ZCWPW2: variants seen among roughly 807,000 people sequenced by gnomAD.
ZCWPW2 encodes the protein zinc finger CW-type and PWWP domain containing 2.
Under a neutral mutation model 46.6 loss-of-function variants are expected in ZCWPW2, and 45 were observed. That is an observed-to-expected ratio of 0.96 (90% CI 0.76 to 1.24). The LOEUF is 1.24. Ranked by LOEUF, ZCWPW2 falls within the 50% of genes most tolerant of loss-of-function variation. The pLI is 0.00. For missense variants in ZCWPW2, 429 were observed against 403.9 expected (o/e 1.06, Z -0.53); for synonymous variants, 152 against 137.1 (o/e 1.11, Z -0.76).
intron 3 of ZCWPW2, among the ~76,000 whole-genome samples, chr3:28,431,332 C>T (rs566887776): frequency 7.9e-5 from 12 of 152,186 alleles, no homozygotes; most frequent in Non-Finnish European, 1.8e-4. Context: ...GTGGCTTAAA[C>T]AACAGAAATT....
Position 28,395,828 on chromosome 3 carries a change from C to T in ZCWPW2, c.-14+5211C>T, listed in dbSNP as rs138430429. On this transcript the variant is annotated intron_variant, in intron 2 of 9. Coordinates refer to ENST00000383768, the MANE Select transcript of ZCWPW2 (RefSeq NM_001040432.4). ...CCTTAAGTTATAGAGACCTAATGTA[C>T]AGCATAGTGACTATATTTAATAATA... Among the ~76,000 whole-genome samples the T allele has an allele frequency of 1.5e-3, 230 of 152,076 alleles. 1 individual carries two copies. The highest frequency in any genetic ancestry group is 5.0e-3 in the African/African-American group (208 of 41,498).
At chr3:28,435,340 T>A (rs1243959351) in intron 4 of ZCWPW2, 71 bp downstream of exon 4, 6 of 1,451,262 alleles carry the variant, frequency 4.1e-6, no homozygotes. Flanking sequence ...TTATCTTTGA[T>A]CATAAAATAT....
intron 1 of ZCWPW2, among the ~76,000 whole-genome samples, chr3:28,362,549 C>G (rs1362151279): frequency 1.3e-5 from 2 of 152,076 alleles, no homozygotes; most frequent in Non-Finnish European, 2.9e-5. Context: ...GTCAGAATGG[C>G]TATCACTAAA....
intron 8 of ZCWPW2, among the ~76,000 whole-genome samples, chr3:28,520,209 G>C (rs1304159699): frequency 6.6e-6 from 1 of 152,006 alleles, no homozygotes. Flanking sequence ...GTTTCACCAT[G>C]TTAGCCAGGA....
intron 3 of ZCWPW2, among the ~76,000 whole-genome samples, chr3:28,431,104 G>C (rs1045269869): frequency 3.9e-5 from 6 of 152,062 alleles, no homozygotes; most frequent in African/African-American, 1.4e-4. Flanking sequence ...GCAATTTATG[G>C]ATATTTTATT....
chr3:28,371,151 G>A (rs1231122454), intron 1 of ZCWPW2, among the ~76,000 whole-genome samples: 2 of 152,116 alleles, frequency 1.3e-5, no homozygotes, highest in East Asian at 3.8e-4. Context: ...ATACATTTGA[G>A]AGTAAATCAT....
chr3:28,466,231 G>T (rs1698817907), intron 4 of ZCWPW2, among the ~76,000 whole-genome samples: 1 of 152,070 alleles, frequency 6.6e-6, no homozygotes, highest in Admixed American at 6.6e-5. Context: ...TACCTATTGG[G>T]TACCGTGCTC....
chr3:28,374,139 C>T (rs1174008881), intron 1 of ZCWPW2, among the ~76,000 whole-genome samples: 1 of 152,112 alleles, frequency 6.6e-6, no homozygotes, highest in African/African-American at 2.4e-5. Flanking sequence ...AGATTTAAGT[C>T]TTTAGTCCAT....
chr3:28,383,050 G>C (rs1307401014), intron 1 of ZCWPW2, among the ~76,000 whole-genome samples: 1 of 152,132 alleles, frequency 6.6e-6, no homozygotes, highest in Non-Finnish European at 1.5e-5. Context: ...AATCAGGGCA[G>C]ACTTAGCTTT....
At chr3:28,475,878 ATT>A (rs1242352211) in intron 4 of ZCWPW2, among the ~76,000 whole-genome samples, 1 of 151,940 alleles carries the variant, frequency 6.6e-6, no homozygotes, top group Non-Finnish European at 1.5e-5. Context: ...TTTGCCTTAC[ATT>A]TTATTACAGA....
intron 5 of ZCWPW2, among the ~76,000 whole-genome samples, chr3:28,490,983 T>G (rs534132267): frequency 6.6e-6 from 1 of 152,272 alleles, no homozygotes; most frequent in South Asian, 2.1e-4. Context: ...ATTATAAGTA[T>G]TATTGAACAC....
chr3:28,396,544 C>T (rs1027442193), intron 2 of ZCWPW2, among the ~76,000 whole-genome samples: 8 of 152,132 alleles, frequency 5.3e-5, no homozygotes, highest in Admixed American at 1.3e-4. Flanking sequence ...AAAGTGAAAA[C>T]GATGAAAATT....
At position 28,521,100 on chromosome 3, in the gene ZCWPW2, T is replaced by C; in HGVS notation, c.893T>C (p.Ile298Thr). 1 of 1,602,564 alleles carries C rather than the reference T, an allele frequency of 6.2e-7. No individual in the cohort carries two copies. Among genetic ancestry groups the C allele is most frequent in the Non-Finnish European group, 8.5e-7 (1 of 1,176,986 alleles). ...DESEEGHGEE[I>T]NMGEKLSKCS... ...TCAGAAGAAGGACATGGAGAGGAAA[T>C]AAATATGGGAGAAAAGGTAATATTG... Residue 298 changes from isoleucine to threonine, a missense_variant, in exon 9 of 10, where the codon ATA (isoleucine) becomes ACA (threonine). Transcript: ENST00000383768.
intron 4 of ZCWPW2, among the ~76,000 whole-genome samples, chr3:28,475,589 A>G (rs1363611147): frequency 1.3e-5 from 2 of 152,196 alleles, no homozygotes; most frequent in Non-Finnish European, 2.9e-5. Flanking sequence ...AAAGGCCTTG[A>G]TGATGTGGCC....
At chr3:28,384,614 C>CTTT (rs1172954946) in intron 1 of ZCWPW2, among the ~76,000 whole-genome samples, 1 of 139,396 alleles carries the variant, frequency 7.2e-6, no homozygotes, top group Non-Finnish European at 1.6e-5. Context: ...ATCTTTCTTT[C>CTTT]TTTTTTTTTT....
intron 6 of ZCWPW2, among the ~76,000 whole-genome samples, chr3:28,509,685 T>C (rs1575222920): frequency 6.6e-6 from 1 of 152,188 alleles, no homozygotes; most frequent in Non-Finnish European, 1.5e-5. Context: ...GCTTATTGTA[T>C]TTTTATTGTT....
chr3:28,501,845 C>A (rs1230489903), intron 6 of ZCWPW2, among the ~76,000 whole-genome samples: 1 of 152,066 alleles, frequency 6.6e-6, no homozygotes, highest in Admixed American at 6.6e-5. Flanking sequence ...ACCTCCTGGG[C>A]TCAAATGATC....
intron 1 of ZCWPW2, among the ~76,000 whole-genome samples, chr3:28,380,971 T>TATA (rs1181797158): frequency 2.8e-4 from 5 of 17,556 alleles, no homozygotes; most frequent in Admixed American, 7.5e-4. Flanking sequence ...TATATATATA[T>TATA]TTGGTATATA....
In ZCWPW2 at chr3:28,521,017, A is replaced by G. The variant is rs948894597; in HGVS notation, c.810A>G (p.Leu270=). ...NRVVCETEVL[L]KELEQMLQQA... ...TTGTCTGTGAGACGGAAGTTTTACT[A>G]AAAGAGCTGGAGCAAATGCTGCAGC... Residue 270 remains leucine, a synonymous_variant, in exon 9 of 10, where the codon CTA becomes CTG. Transcript: ENST00000383768. 2.1e-5 allele frequency: 34 copies of G among 1,613,462 alleles called. No individual in the cohort carries two copies. Among genetic ancestry groups the G allele is most frequent in the Non-Finnish European group, 2.9e-5 (34 of 1,179,778 alleles).
Sources: gnomAD v4.1 joint callset for allele counts (sites outside exome capture counted in the v4.1 genomes callset) on GRCh38, gnomAD v4.1.1 for gene constraint, MANE v1.5 for transcripts, NCBI Gene and HGNC (gene_info 2026-07-23, HGNC 2026-07-21) for gene names.